The following TBXAS1 variants were observed in gnomAD, a reference collection of about 807,000 sequenced individuals.
TBXAS1 encodes thromboxane A synthase 1, also known as thromboxane-A synthase.
Under a neutral mutation model 60.7 loss-of-function variants are expected in TBXAS1, and 48 were observed. The observed-to-expected ratio is 0.79, with a 90% CI of 0.63 to 1.01. The LOEUF is 1.01. TBXAS1 is among the 50% of genes least tolerant of loss of function. The probability of loss-of-function intolerance (pLI) is 0.00; values close to 1 mark genes in which losing one functional copy is unlikely to be tolerated. For synonymous variants in TBXAS1, 287 were observed against 269.7 expected, an observed-to-expected ratio of 1.06 and a Z score of -0.63; for missense variants, 685 against 686.3, an observed-to-expected ratio of 1.00 and a Z score of 0.02.
intron 4 of TBXAS1, among the ~76,000 whole-genome samples, chr7:139,808,037 A>G (rs1483077372): frequency 6.6e-6 from 1 of 152,172 alleles, no homozygotes; most frequent in Non-Finnish European, 1.5e-5. Flanking sequence ...CAATAGACCT[A>G]AAACAAACCC....
chr7:139,890,924 T>G (rs6464432), intron 3 of TBXAS1, among the ~76,000 whole-genome samples: 1 of 151,826 alleles, frequency 6.6e-6, no homozygotes, highest in African/African-American at 2.4e-5. Context: ...TTCTTGCAAA[T>G]TGTGCATTAT....
intron 5 of TBXAS1, chr7:139,952,644 AG>A (rs1569518557): frequency 6.5e-7 from 1 of 1,537,254 alleles, no homozygotes; most frequent in Non-Finnish European, 8.7e-7. Flanking sequence ...GTCGAAGCCG[AG>A]TGGTATCTAT....
chr7:139,848,222 T>C (rs1281169709), intron 1 of TBXAS1, among the ~76,000 whole-genome samples: 1 of 152,178 alleles, frequency 6.6e-6, no homozygotes, highest in East Asian at 1.9e-4. Flanking sequence ...TGAGGTCAAA[T>C]GATCCTCCCA....
intron 9 of TBXAS1, among the ~76,000 whole-genome samples, chr7:139,964,327 C>T (rs898618610): frequency 2.6e-5 from 4 of 152,204 alleles, no homozygotes; most frequent in African/African-American, 4.8e-5. Flanking sequence ...TCAGGTGATC[C>T]GCCTGCCTCG....
intron 3 of TBXAS1, among the ~76,000 whole-genome samples, chr7:139,906,957 C>T (rs908044165): frequency 2.0e-5 from 3 of 152,146 alleles, no homozygotes; most frequent in Non-Finnish European, 4.4e-5. Flanking sequence ...TTAGTAGTTT[C>T]TCTGTAGATA....
chr7:139,805,505 A>T (rs115869635), intron 4 of TBXAS1, among the ~76,000 whole-genome samples: 1 of 152,204 alleles, frequency 6.6e-6, no homozygotes, highest in African/African-American at 2.4e-5. Flanking sequence ...ATCCCATGAC[A>T]CACAACTCTT....
chr7:139,785,888 G>A (rs181793849), intron 3 of TBXAS1, among the ~76,000 whole-genome samples: 4 of 151,622 alleles, frequency 2.6e-5, no homozygotes, highest in Middle Eastern at 3.4e-3. Context: ...TGAACTCCAC[G>A]TCTTCCCCAT....
chr7:140,011,045 G>A (rs1441383685), intron 10 of TBXAS1, among the ~76,000 whole-genome samples: 1 of 151,668 alleles, frequency 6.6e-6, no homozygotes, highest in African/African-American at 2.4e-5. Flanking sequence ...TGGGAGGCAA[G>A]GAGGGAAGAT....
At chr7:139,790,653 A>G (rs978651011) in intron 4 of TBXAS1, among the ~76,000 whole-genome samples, 1 of 152,216 alleles carries the variant, frequency 6.6e-6, no homozygotes, top group African/African-American at 2.4e-5. Flanking sequence ...AAAAATTCAA[A>G]TGGCAGACCA....
chr7:139,837,578 G>C lies in TBXAS1; in HGVS notation c.89+8099G>C, dbSNP rs139620031. 4.5e-4 allele frequency among the ~76,000 whole-genome samples: 69 copies of C among 152,254 alleles called. No individual in the cohort carries two copies. In the South Asian group the frequency reaches 0.014, roughly 31 times the overall value. ...ACTCAGGAATGGAAAACCAAACACC[G>C]TATGTTCTCACTGATACGTGGGATC... On this transcript the variant is annotated intron_variant, in intron 1 of 12. Transcript: ENST00000448866.
At chr7:139,931,196 A>G (rs1807301620) in intron 4 of TBXAS1, among the ~76,000 whole-genome samples, 2 of 152,044 alleles carry the variant, frequency 1.3e-5, no homozygotes, top group Admixed American at 6.6e-5. Flanking sequence ...AATCTTGTCT[A>G]TCTCTTGTCT....
intron 2 of TBXAS1, among the ~76,000 whole-genome samples, chr7:139,872,727 T>C (rs907882822): frequency 1.9e-4 from 29 of 152,162 alleles, no homozygotes; most frequent in South Asian, 8.3e-4. Flanking sequence ...GCATGAAACA[T>C]TGGTCTTGTC....
rs746618111 is a variant in TBXAS1, at chr7:139,952,012, A to AAGAAAGAAAGAG, written c.451-1355_451-1354insGAAAGAAAGAGA. 5.3e-3 allele frequency among the ~76,000 whole-genome samples: 593 copies of AAGAAAGAAAGAG among 111,336 alleles called. 50 individuals carry two copies. The highest frequency in any genetic ancestry group is 9.1e-3 in the South Asian group (31 of 3,424). The allele number at this position is 111,336 out of a possible 152,430, so 73.0% of individuals were successfully genotyped here. On this transcript the variant is annotated intron_variant, in intron 5 of 12. Coordinates refer to ENST00000448866, the MANE Select transcript of TBXAS1 (RefSeq NM_001061.7). ...AAAGAAAGAAAGAAAGAAAGAAAGA[A>AAGAAAGAAAGAG]AAAGAAAGGAAGGAAGGAGGGAAGG... is the stretch of plus-strand genomic sequence containing the variant.
upstream of TBXAS1, among the ~76,000 whole-genome samples, chr7:139,824,327 C>A (rs535788313): frequency 6.6e-5 from 10 of 152,312 alleles, no homozygotes; most frequent in Non-Finnish European, 8.8e-5. Context: ...GTCGGTCCTG[C>A]CTGTACACAG....
intron 9 of TBXAS1, among the ~76,000 whole-genome samples, chr7:139,963,963 A>T (rs1256257640): frequency 6.6e-6 from 1 of 152,160 alleles, no homozygotes; most frequent in African/African-American, 2.4e-5. Context: ...GCCTGTCAAG[A>T]GTGTCTGGGA....
chr7:139,935,677 G>A (rs973194150), intron 4 of TBXAS1, among the ~76,000 whole-genome samples: 5 of 151,696 alleles, frequency 3.3e-5, no homozygotes, highest in Admixed American at 1.3e-4. Context: ...CCTAGCACAC[G>A]CTTCTGAAGG....
chr7:139,854,469 T>A (rs1800444715), intron 1 of TBXAS1, among the ~76,000 whole-genome samples: 1 of 152,080 alleles, frequency 6.6e-6, no homozygotes, highest in Non-Finnish European at 1.5e-5. Flanking sequence ...GAGATTTGCA[T>A]ATGAGCAAGC....
At chr7:139,895,340 T>A (rs1266766515) in intron 3 of TBXAS1, among the ~76,000 whole-genome samples, 2 of 152,214 alleles carry the variant, frequency 1.3e-5, no homozygotes, top group African/African-American at 4.8e-5. Context: ...TTGTTACCCT[T>A]GCTAATGGCC....
intron 4 of TBXAS1, among the ~76,000 whole-genome samples, chr7:139,805,710 CTT>C (rs35213211): frequency 0.31 from 12,580 of 40,496 alleles, 778 homozygotes; most frequent in Middle Eastern, 0.35. Flanking sequence ...TTCTTTCTTT[CTT>C]TCTCTCTCTC....
Sources: gnomAD v4.1 joint callset for allele counts (sites outside exome capture counted in the v4.1 genomes callset) on GRCh38, gnomAD v4.1.1 for gene constraint, MANE v1.5 for transcripts, NCBI Gene and HGNC (gene_info 2026-07-23, HGNC 2026-07-21) for gene names.